The following TAF1 variants were observed in gnomAD, a reference collection of about 807,000 sequenced individuals.
The protein encoded by TAF1 is transcription initiation factor TFIID subunit 1.
A neutral mutation model predicts 138.5 loss-of-function variants in TAF1; 2 were observed. That is an observed-to-expected ratio of 0.01 (90% confidence interval 0.01 to 0.05). TAF1 has a LOEUF of 0.05. Ranked by LOEUF, TAF1 falls within the 10% of genes least tolerant of loss-of-function variation. TAF1 has a pLI of 1.00. For synonymous variants in TAF1, 437 were observed against 503.2 expected, an observed-to-expected ratio of 0.87 and a Z score of 1.76; for missense variants, 709 against 1,478.0, an observed-to-expected ratio of 0.48 and a Z score of 8.53.
chrX:71,462,455 C>G (rs2038590678), intron 37 of TAF1, among the ~76,000 whole-genome samples: 1 of 110,099 alleles, frequency 9.1e-6, no homozygotes, highest in Non-Finnish European at 1.9e-5. Context: ...ACCTGTAGTC[C>G]CAGCTACTCA....
intron 13 of TAF1, among the ~76,000 whole-genome samples, chrX:71,500,900 TA>T (rs1382926014): frequency 1.8e-5 from 2 of 108,844 alleles, no homozygotes; most frequent in Admixed American, 2.0e-4. Flanking sequence ...CTGTCTCTAC[TA>T]AAAAATACAA....
At position 71,387,565 on chromosome X, in the gene TAF1, G is replaced by A. The variant is rs187091318; in HGVS notation, c.2427+104G>A. 7.9e-4 allele frequency: 720 copies of A among 914,953 alleles called. 7 individuals carry two copies. The African/African-American group carries it at 0.012, about 15-fold the overall frequency. The allele number at this position is 914,953 out of a possible 1,213,427, so 75.4% of individuals were successfully genotyped here. ...TGTAATCCCAGCACTTTGGGAGGCCGCGGTGAATGGATCACTTGAGGTCAG... is the reference window on the plus strand; with the variant it reads ...TGTAATCCCAGCACTTTGGGAGGCCACGGTGAATGGATCACTTGAGGTCAG... On this transcript the variant is annotated intron_variant, in intron 15 of 37. Transcript: ENST00000423759.
rs909790402 is a variant in TAF1 at position 71,441,635 on chromosome X, C to T, written c.4754-12535C>T. ...ATTATTAACTATAGTCATTCTACGG[C>T]GCTATAGAACACTAGAACTGATTTC... is the stretch of plus-strand genomic sequence containing the variant. On this transcript the variant is annotated intron_variant, in intron 32 of 37. Coordinates refer to ENST00000423759, the MANE Select transcript of TAF1 (RefSeq NM_004606.5). The T allele has an allele frequency of 1.3e-4, 39 of 298,470 alleles. 1 individual carries two copies. Among genetic ancestry groups the T allele is most frequent in the Non-Finnish European group, 2.2e-4 (35 of 159,378 alleles). The allele number at this position is 298,470 out of a possible 1,213,427, so 24.6% of individuals were successfully genotyped here.
At chrX:71,388,961 C>T in intron 17 of TAF1, 93 bp downstream of exon 17, 1 of 1,037,764 alleles carries the variant, frequency 9.6e-7, no homozygotes, top group African/African-American at 1.9e-5. Context: ...GATTCTTTCT[C>T]TGACTGGCTT....
At chrX:71,489,740 G>T (rs1208648921) in intron 13 of TAF1, among the ~76,000 whole-genome samples, 2 of 111,874 alleles carry the variant, frequency 1.8e-5, no homozygotes, top group East Asian at 5.6e-4. Flanking sequence ...TGCTCAACAG[G>T]CAAACTAAGT....
intron 13 of TAF1, among the ~76,000 whole-genome samples, chrX:71,505,888 C>G (rs188500822): frequency 9.0e-6 from 1 of 110,620 alleles, no homozygotes; most frequent in African/African-American, 3.3e-5. Flanking sequence ...GGCATGGTGG[C>G]GCATGCCTGT....
At chrX:71,478,916 T>C (rs2039026369) in intron 13 of TAF1, among the ~76,000 whole-genome samples, 1 of 112,198 alleles carries the variant, frequency 8.9e-6, no homozygotes, top group Non-Finnish European at 1.9e-5. Flanking sequence ...ATTACAGGCG[T>C]GAGCCACTGC....
downstream of TAF1, among the ~76,000 whole-genome samples, chrX:71,468,837 AAAAG>A (rs1313945362): frequency 8.3e-5 from 9 of 108,545 alleles, no homozygotes; most frequent in African/African-American, 3.0e-4. Flanking sequence ...TACGAAAAAA[AAAAG>A]GGAGCAAGCA....
chrX:71,433,392 T>A (rs954932824), intron 32 of TAF1, among the ~76,000 whole-genome samples: 4 of 111,589 alleles, frequency 3.6e-5, no homozygotes, highest in Non-Finnish European at 7.5e-5. Context: ...TAATGGTGAC[T>A]AAAGGTGAAG....
intron 32 of TAF1, among the ~76,000 whole-genome samples, chrX:71,437,979 G>A (rs745939894): frequency 4.6e-5 from 5 of 108,375 alleles, no homozygotes; most frequent in Non-Finnish European, 5.7e-5. Context: ...GGGATTACAG[G>A]CGTGCACCAC....
chrX:71,504,741 C>CAAAAAAAAAAAAAAAAAAAAAAAA lies in TAF1; in HGVS notation c.1367-23792_1367-23769dup, dbSNP rs41370846. Among the ~76,000 whole-genome samples the CAAAAAAAAAAAAAAAAAAAAAAAA allele has an allele frequency of 8.8e-4, 5 of 5,704 alleles. 1 individual carries two copies. The highest frequency in any genetic ancestry group is 2.8e-3 in the Admixed American group (1 of 363). 5.0% of individuals were successfully genotyped at this position (5,704 alleles called of 115,157 possible). ...TGGGTGACAGAATGAGACCCTGTCT[C>CAAAAAAAAAAAAAAAAAAAAAAAA]AAAAAAAAAAAAAAAAAAAAAAAAA... is the stretch of plus-strand genomic sequence containing the variant. On this transcript the variant is annotated intron_variant and NMD_transcript_variant, in intron 13 of 14. Transcript: ENST00000373775.
intron 13 of TAF1, among the ~76,000 whole-genome samples, chrX:71,487,735 T>G (rs1186850720): frequency 1.8e-5 from 2 of 112,493 alleles, no homozygotes; most frequent in Non-Finnish European, 1.9e-5. Context: ...TCCTCCACCA[T>G]CTGGAATGTG....
intron 13 of TAF1, among the ~76,000 whole-genome samples, chrX:71,518,503 T>G (rs2039862628): frequency 9.0e-6 from 1 of 110,634 alleles, no homozygotes; most frequent in South Asian, 3.9e-4. Context: ...CCAAAACATG[T>G]TGAAATCAAT....
At chrX:71,519,061 G>A (rs140035239) in intron 13 of TAF1, among the ~76,000 whole-genome samples, 130 of 108,786 alleles carry the variant, frequency 1.2e-3, no homozygotes, top group African/African-American at 4.1e-3. Flanking sequence ...GGTGGCTCAT[G>A]CCTGTAATCC....
At chrX:71,491,583 CAT>C (rs1182429122) in intron 13 of TAF1, 2 of 110,552 alleles carry the variant, frequency 1.8e-5, no homozygotes, top group African/African-American at 3.3e-5. Flanking sequence ...TGTTGTTACA[CAT>C]GTCTGCCAAC....
At chrX:71,451,531 G>A (rs2037965422) in intron 32 of TAF1, among the ~76,000 whole-genome samples, 1 of 107,143 alleles carries the variant, frequency 9.3e-6, no homozygotes, top group Non-Finnish European at 1.9e-5. Context: ...CTCGTAGAGG[G>A]GGATTTGGCA....
chrX:71,528,213 C>T (rs752750078), intron 13 of TAF1: 9 of 215,990 alleles, frequency 4.2e-5, no homozygotes, highest in Admixed American at 6.5e-5. Context: ...AACCATCTAG[C>T]ACATTTGCTC....
intron 17 of TAF1, 78 bp downstream of exon 17, chrX:71,388,946 G>A: frequency 9.2e-7 from 1 of 1,082,564 alleles, no homozygotes; most frequent in East Asian, 3.0e-5. Flanking sequence ...AGAGATGAGA[G>A]AGAAGATTCT....
At chrX:71,390,573 G>A (rs1042879792) in intron 18 of TAF1, among the ~76,000 whole-genome samples, 4 of 111,473 alleles carry the variant, frequency 3.6e-5, no homozygotes, top group Non-Finnish European at 5.6e-5. Flanking sequence ...AGGCTGTACC[G>A]TGGTGAGATC....
Sources: allele counts gnomAD v4.1 joint callset (sites outside exome capture counted in the v4.1 genomes callset), GRCh38; gene constraint gnomAD v4.1.1; transcripts MANE v1.5; gene names NCBI Gene and HGNC (gene_info 2026-07-23, HGNC 2026-07-21).